PTGER3: variants seen among roughly 807,000 people sequenced by gnomAD.
PTGER3 encodes the protein prostaglandin E2 receptor EP3 subtype.
Under a neutral mutation model 34.7 loss-of-function variants are expected in PTGER3, and 22 were observed. The ratio of observed to expected loss-of-function variants is 0.63; its 90% CI spans 0.45 to 0.91. The LOEUF (loss-of-function observed/expected upper bound fraction) is 0.91. Among genes scored for constraint, PTGER3 ranks in the 40% least tolerant of loss-of-function variants. The probability of loss-of-function intolerance (pLI) is 0.00; values close to 1 mark genes in which losing one functional copy is unlikely to be tolerated. For missense variants in PTGER3, 468 were observed against 519.4 expected (o/e 0.90, Z 0.96); for synonymous variants, 241 against 230.1 (o/e 1.05, Z -0.43).
At chr1:70,901,530 T>G (rs1411845090) in intron 4 of PTGER3, among the ~76,000 whole-genome samples, 1 of 152,216 alleles carries the variant, frequency 6.6e-6, no homozygotes, top group Non-Finnish European at 1.5e-5. Context: ...TTGTATTAAC[T>G]GATTTATCCA....
chr1:70,902,525 TA>T (rs1329644231), intron 4 of PTGER3, among the ~76,000 whole-genome samples: 1 of 152,172 alleles, frequency 6.6e-6, no homozygotes, highest in Non-Finnish European at 1.5e-5. Context: ...CACACTGTGA[TA>T]AGTGCTGGAA....
At chr1:70,942,993 G>T (rs1393761476) in intron 4 of PTGER3, among the ~76,000 whole-genome samples, 1 of 152,070 alleles carries the variant, frequency 6.6e-6, no homozygotes, top group East Asian at 1.9e-4. Flanking sequence ...ATTTTGTTAC[G>T]GCAGCCCTAG....
chr1:71,045,304 C>T (rs1456548254), intron 1 of PTGER3, among the ~76,000 whole-genome samples: 1 of 152,132 alleles, frequency 6.6e-6, no homozygotes, highest in Non-Finnish European at 1.5e-5. Flanking sequence ...ATGCCTAATG[C>T]CACTGAACTG....
Position 70,959,249 on chromosome 1 carries a change from G to T in PTGER3, c.1078-5460C>A, listed in dbSNP as rs116798829. 4.0e-3 allele frequency among the ~76,000 whole-genome samples: 611 copies of T among 152,234 alleles called. 2 individuals are homozygous for T. The highest frequency in any genetic ancestry group is 5.3e-3 in the Non-Finnish European group (361 of 68,018). On this transcript the variant is annotated intron_variant, in intron 2 of 3. Coordinates refer to the PTGER3 transcript ENST00000356595. ...TGATAAGAATTGCATTGAATCTGTA[G>T]ATTGCATTGAATCTGTAGATTGGGG...
downstream of PTGER3, chr1:70,950,819 C>G (rs1650690067): frequency 6.6e-6 from 1 of 152,150 alleles, no homozygotes; most frequent in African/African-American, 2.4e-5. Context: ...TCACCTCAGC[C>G]TCCTGAGTAG....
At chr1:71,039,379 A>T (rs968761131) in intron 1 of PTGER3, among the ~76,000 whole-genome samples, 1 of 151,928 alleles carries the variant, frequency 6.6e-6, no homozygotes, top group Non-Finnish European at 1.5e-5. Context: ...ACCTTATAAA[A>T]ATTTAGGCAC....
chr1:70,910,967 C>G (rs1647047492), intron 4 of PTGER3, among the ~76,000 whole-genome samples: 2 of 151,998 alleles, frequency 1.3e-5, no homozygotes, highest in African/African-American at 4.8e-5. Context: ...GTAATCCCAG[C>G]TACTCAGGAG....
chr1:70,934,614 C>T (rs1649029538), intron 4 of PTGER3, among the ~76,000 whole-genome samples: 1 of 152,122 alleles, frequency 6.6e-6, no homozygotes, highest in Non-Finnish European at 1.5e-5. Flanking sequence ...TATAAATATG[C>T]TCATGGATCA....
chr1:70,910,801 C>T (rs1281595769), intron 4 of PTGER3, among the ~76,000 whole-genome samples: 2 of 152,058 alleles, frequency 1.3e-5, no homozygotes, highest in East Asian at 1.9e-4. Context: ...TCTAATTAAC[C>T]GGCCGGGGCC....
chr1:70,871,739 A>C (rs111286765), intron 4 of PTGER3, among the ~76,000 whole-genome samples: 1 of 152,202 alleles, frequency 6.6e-6, no homozygotes, highest in East Asian at 1.9e-4. Context: ...AGAGGCATAC[A>C]TTAGATGCAG....
At chr1:71,011,124 G>A (rs982584486) in intron 2 of PTGER3, 1 of 985,636 alleles carries the variant, frequency 1.0e-6, no homozygotes, top group Non-Finnish European at 1.2e-6. Context: ...ACTTAATGTA[G>A]TGATCTACTT....
chr1:71,042,952 C>T (rs1660444050), intron 1 of PTGER3, among the ~76,000 whole-genome samples: 1 of 152,198 alleles, frequency 6.6e-6, no homozygotes, highest in African/African-American at 2.4e-5. Context: ...GCTCATACCT[C>T]ACTTTTCATG....
chr1:70,952,884 CT>C, exon 4 of PTGER3: 3 of 1,587,116 alleles, frequency 1.9e-6, no homozygotes, highest in Non-Finnish European at 2.6e-6. Flanking sequence ...AAACACAGCA[CT>C]CCTGTAGTTA....
Position 71,042,833 on chromosome 1 carries a change from C to A in PTGER3, c.897+3848G>T, listed in dbSNP as rs997070289. On this transcript the variant is annotated intron_variant, in intron 1 of 3. Transcript: ENST00000306666. The stretch of plus-strand genomic sequence containing the variant: ...AATATCTTCTTGAACTGAAACATCT[C>A]TGTATTTGTGGATACTGAGCAGGGA... Among the ~76,000 whole-genome samples, 75 of 152,266 alleles carry A rather than the reference C, an allele frequency of 4.9e-4. 1 individual carries two copies. The highest frequency in any genetic ancestry group is 7.4e-5 in the Non-Finnish European group (5 of 68,014).
At chr1:70,943,799 T>C (rs1300913568) in intron 4 of PTGER3, among the ~76,000 whole-genome samples, 1 of 147,858 alleles carries the variant, frequency 6.8e-6, no homozygotes, top group East Asian at 2.0e-4. Context: ...GATATTTGAA[T>C]GAAGACAAAG....
At chr1:71,017,190 T>C (rs2268057) in intron 1 of PTGER3, among the ~76,000 whole-genome samples, 96,443 of 151,774 alleles carry the variant, frequency 0.64, 31,029 homozygotes, top group East Asian at 0.73. Flanking sequence ...TAAAAACAAG[T>C]GTCCTAAAAA....
chr1:70,858,338 C>T (rs1645856135), intron 4 of PTGER3, among the ~76,000 whole-genome samples: 1 of 151,794 alleles, frequency 6.6e-6, no homozygotes, highest in Non-Finnish European at 1.5e-5. Context: ...CCTAAATGTA[C>T]CAGTAATTAT....
intron 4 of PTGER3, among the ~76,000 whole-genome samples, chr1:70,928,201 A>G (rs1572673228): frequency 6.7e-6 from 1 of 148,966 alleles, no homozygotes; most frequent in South Asian, 2.1e-4. Context: ...ATATTTATAT[A>G]TATGTCTACA....
chr1:71,004,764 C>T (rs1040683486), intron 2 of PTGER3, among the ~76,000 whole-genome samples: 1 of 152,134 alleles, frequency 6.6e-6, no homozygotes, highest in African/African-American at 2.4e-5. Flanking sequence ...AGAAATTGTG[C>T]CTAATCATCT....
Sources: allele counts gnomAD v4.1 joint callset (sites outside exome capture counted in the v4.1 genomes callset), GRCh38; gene constraint gnomAD v4.1.1; transcripts MANE v1.5; gene names NCBI Gene and HGNC (gene_info 2026-07-23, HGNC 2026-07-21).